Variants in IQCB1 observed in about 807,000 individuals in gnomAD.
IQCB1 encodes the protein IQ motif containing B1.
In IQCB1, 56 loss-of-function variants were observed where a neutral mutation model predicts 84.4. The observed-to-expected ratio is 0.66, with a 90% CI of 0.54 to 0.83. The LOEUF (loss-of-function observed/expected upper bound fraction) is 0.83. IQCB1 is among the 40% of genes least tolerant of loss of function. IQCB1 has a pLI of 0.00. For missense variants in IQCB1, 629 were observed against 682.1 expected (o/e 0.92, Z 0.87); for synonymous variants, 210 against 234.8 (o/e 0.89, Z 0.96).
rs960408970 is a variant in IQCB1 at position 121,834,964 on chromosome 3, A to T, written c.-102+2T>A. Reference sequence around the variant, plus strand: ...CCCCAGCCACCACCTCAGATAAGTTACCTCATCCTCGCTTCGCGTTCTTCC... The same window carrying T: ...CCCCAGCCACCACCTCAGATAAGTTTCCTCATCCTCGCTTCGCGTTCTTCC... On this transcript the variant is annotated splice_donor_variant, in intron 1 of 14. Coordinates refer to ENST00000310864, the MANE Select transcript of IQCB1 (RefSeq NM_001023570.4). LOFTEE classifies it low-confidence loss of function (5UTR_SPLICE). 2.1e-5 allele frequency: 9 copies of T among 431,106 alleles called. No individual in the cohort carries two copies. The Admixed American group carries it at 3.4e-4, about 16-fold the overall frequency. The allele number at this position is 431,106 out of a possible 1,614,324, so 26.7% of individuals were successfully genotyped here. A position where few individuals can be genotyped will look rare whatever the true frequency, so the allele number is the denominator to read the frequency against.
At position 121,807,352 on chromosome 3, in the gene IQCB1, C is replaced by G. The variant is rs774895865; in HGVS notation, c.579G>C (p.Gln193His). ...AVMMMLQNIL[Q>H]INSGDLLRIG... ...TGTAAAAACCAAGTCACCTGTTGAT[C>G]TGTAGTATATTCTGTAGCATCATCA... is the stretch of plus-strand genomic sequence containing the variant. Residue 193 changes from glutamine (Q) to histidine (H), a missense_variant, in exon 7 of 15, where the codon CAG (glutamine) becomes CAC (histidine). By Grantham distance (24) the Gln-to-His change is conservative. Transcript: ENST00000310864. The G allele has an allele frequency of 9.4e-6, 14 of 1,484,660 alleles. No individual in the cohort carries two copies. The highest frequency in any genetic ancestry group is 1.7e-5 in the Admixed American group (1 of 59,616). The allele number at this position is 1,484,660 out of a possible 1,614,324, so 92.0% of individuals were successfully genotyped here.
chr3:121,816,357 T>C (rs1399491717), intron 5 of IQCB1, among the ~76,000 whole-genome samples: 2 of 152,136 alleles, frequency 1.3e-5, no homozygotes, highest in Non-Finnish European at 2.9e-5. Context: ...GACATAGGCA[T>C]AGGCAAAGAT....
intron 5 of IQCB1, among the ~76,000 whole-genome samples, chr3:121,811,138 A>G (rs1949812607): frequency 6.6e-6 from 1 of 152,124 alleles, no homozygotes; most frequent in Non-Finnish European, 1.5e-5. Context: ...ACAGATGGCA[A>G]GCAGAAGCAG....
Position 121,780,453 on chromosome 3 carries a change from A to G in IQCB1, c.1410+1290T>C, listed in dbSNP as rs1302563460. Among the ~76,000 whole-genome samples, 6 of 151,940 alleles carry G rather than the reference A, an allele frequency of 3.9e-5. No individual in the cohort carries two copies. In the East Asian group the frequency reaches 9.7e-4, roughly 25 times the overall value. ...AATGTCAGAACTTTTTCCATTGTCT[A>G]CCTCTTTATGGTAATCACAGAGGGC... On this transcript the variant is annotated intron_variant, in intron 13 of 14. Coordinates refer to ENST00000310864, the MANE Select transcript of IQCB1 (RefSeq NM_001023570.4).
intron 10 of IQCB1, among the ~76,000 whole-genome samples, chr3:121,791,833 G>A (rs1576562287): frequency 6.6e-6 from 1 of 152,200 alleles, no homozygotes; most frequent in Admixed American, 6.5e-5. Flanking sequence ...GTTCACGCCT[G>A]TAATCCCAGC....
chr3:121,809,710 G>A (rs755126214), intron 5 of IQCB1, among the ~76,000 whole-genome samples: 5 of 152,002 alleles, frequency 3.3e-5, no homozygotes, highest in Non-Finnish European at 7.4e-5. Flanking sequence ...GAAATAAGAA[G>A]TATAGATTCC....
intron 7 of IQCB1, 129 bp downstream of exon 7, chr3:121,807,215 T>G: frequency 1.5e-6 from 1 of 646,456 alleles, no homozygotes; most frequent in Non-Finnish European, 2.9e-6. Flanking sequence ...TATATACGAG[T>G]ATATAGTGCA....
At chr3:121,800,525 A>C (rs542982573) in intron 7 of IQCB1, among the ~76,000 whole-genome samples, 107 of 151,970 alleles carry the variant, frequency 7.0e-4, no homozygotes, top group African/African-American at 2.6e-3. Context: ...CTTCTGTGCC[A>C]CTGTGTCTCT....
In IQCB1 at chr3:121,809,906, G is replaced by A. The variant is rs1378063675; in HGVS notation, c.394-897C>T. ...AAGTATTTTTTTCCTAATATCCTAG[G>A]AATATTCTAGGACAAGTGCTGACTT... On this transcript the variant is annotated intron_variant, in intron 5 of 14. Coordinates refer to ENST00000310864, the MANE Select transcript of IQCB1 (RefSeq NM_001023570.4). Among the ~76,000 whole-genome samples the A allele has an allele frequency of 2.0e-5, 3 of 149,940 alleles. No homozygotes were observed. The South Asian group carries it at 6.3e-4, about 32-fold the overall frequency.
rs567835865 is a variant in IQCB1 at position 121,772,781 on chromosome 3, C to T, written c.1411-68G>A. The T allele has an allele frequency of 6.6e-4, 978 of 1,473,892 alleles. 7 individuals carry two copies. The African/African-American group carries it at 0.012, about 18-fold the overall frequency. 91.3% of individuals were successfully genotyped at this position (1,473,892 alleles called of 1,614,324 possible). On this transcript the variant is annotated intron_variant, in intron 13 of 14. Transcript: ENST00000310864. ...GGTATCAAAGTACCCAACCACTTAGCAGAGGTTTTAGACTGCTTAGCTGTC... is the reference window on the plus strand; with the variant it reads ...GGTATCAAAGTACCCAACCACTTAGTAGAGGTTTTAGACTGCTTAGCTGTC...
chr3:121,817,874 A>C (rs772154234), intron 5 of IQCB1, among the ~76,000 whole-genome samples: 5 of 152,070 alleles, frequency 3.3e-5, no homozygotes, highest in Non-Finnish European at 4.4e-5. Context: ...AAGAGACAAG[A>C]GAGCTCCCTC....
chr3:121,789,878 G>A (rs1948886185), intron 11 of IQCB1, among the ~76,000 whole-genome samples, 195 bp downstream of exon 11: 1 of 152,006 alleles, frequency 6.6e-6, no homozygotes, highest in Non-Finnish European at 1.5e-5. Flanking sequence ...ATTGTTCATC[G>A]TCAACTAATA....
At chr3:121,828,277 G>C (rs556127234) in intron 4 of IQCB1, among the ~76,000 whole-genome samples, 193 bp downstream of exon 4, 34 of 152,156 alleles carry the variant, frequency 2.2e-4, no homozygotes, top group African/African-American at 7.7e-4. Context: ...GCTTGTGGAG[G>C]AAAATTTTAG....
chr3:121,810,810 T>C (rs1949798143), intron 5 of IQCB1, among the ~76,000 whole-genome samples: 1 of 152,124 alleles, frequency 6.6e-6, no homozygotes. Flanking sequence ...AGAAATCAAA[T>C]CCAACACAAT....
At chr3:121,823,807 AT>A (rs1224276032) in intron 5 of IQCB1, among the ~76,000 whole-genome samples, 4 of 152,366 alleles carry the variant, frequency 2.6e-5, no homozygotes, top group African/African-American at 7.2e-5. Context: ...ATATAAAAAA[AT>A]CATTTTTCTT....
In IQCB1 at chr3:121,817,742, G is replaced by A. The variant is rs984889570; in HGVS notation, c.393+8309C>T. ...TTGTGTCCCTGAAAACTCATATGTT[G>A]AAACCCTAACCTCTAATGTGATGGT... is the stretch of plus-strand genomic sequence containing the variant. On this transcript the variant is annotated intron_variant, in intron 5 of 14. Coordinates refer to ENST00000310864, the MANE Select transcript of IQCB1 (RefSeq NM_001023570.4). 3.3e-5 allele frequency among the ~76,000 whole-genome samples: 5 copies of A among 152,044 alleles called. No homozygotes were observed. The East Asian group carries it at 9.6e-4, about 29-fold the overall frequency.
chr3:121,791,112 C>T (rs962773051), intron 10 of IQCB1, among the ~76,000 whole-genome samples: 4 of 152,018 alleles, frequency 2.6e-5, no homozygotes, highest in Non-Finnish European at 4.4e-5. Context: ...AAAAAGAAAA[C>T]GAGGATAAGA....
Position 121,799,364 on chromosome 3 carries a change from G to T in IQCB1, c.598C>A (p.Leu200Ile). Residue 200 changes from leucine (L) to isoleucine (I), a missense_variant, in exon 8 of 15, where the codon CTC becomes ATC. Transcript: ENST00000310864. ...TACAGGGCTTTTCTTCCTATTCTGA[G>T]TAAATCACCACTAATAGAACAAAAT... Reference protein sequence around the residue: ...NILQINSGDLLRIGRKALYSI... With the variant: ...NILQINSGDLIRIGRKALYSI... 1 of 1,574,210 alleles carries T rather than the reference G, an allele frequency of 6.4e-7. No homozygotes were observed. Among genetic ancestry groups the T allele is most frequent in the Non-Finnish European group, 8.7e-7 (1 of 1,146,822 alleles).
In IQCB1 at chr3:121,781,756, ACATAGT is replaced by A. The variant is rs1310589670; in HGVS notation, c.1391_1396del (p.Asp464_Tyr465del). On this transcript the variant is annotated inframe_deletion, in exon 13 of 15. Coordinates refer to ENST00000310864, the MANE Select transcript of IQCB1 (RefSeq NM_001023570.4). ...GAAGCTTCATACCAAATGTCTTCTGACATAGTCATCCACTCGTTTCTTCAGTTCAAC... is the reference window on the plus strand; with the variant it reads ...GAAGCTTCATACCAAATGTCTTCTGACATCCACTCGTTTCTTCAGTTCAAC... 1.2e-6 allele frequency: 2 copies of A among 1,613,462 alleles called. No homozygotes were observed. Among genetic ancestry groups the A allele is most frequent in the Non-Finnish European group, 1.7e-6 (2 of 1,179,598 alleles).
Sources: allele counts gnomAD v4.1 joint callset (sites outside exome capture counted in the v4.1 genomes callset), GRCh38; gene constraint gnomAD v4.1.1; transcripts MANE v1.5; gene names NCBI Gene and HGNC (gene_info 2026-07-23, HGNC 2026-07-21).